HHAT: variants seen among roughly 807,000 people sequenced by gnomAD.
HHAT encodes protein-cysteine N-palmitoyltransferase HHAT.
In HHAT, 47 loss-of-function variants were observed where a neutral mutation model predicts 70.8. The ratio of observed to expected loss-of-function variants is 0.66; its 90% CI spans 0.53 to 0.85. The LOEUF (loss-of-function observed/expected upper bound fraction) is 0.85, where lower values mean the gene tolerates loss of function less well. Ranked by LOEUF, HHAT falls within the 40% of genes least tolerant of loss-of-function variation. The probability of loss-of-function intolerance (pLI) is 0.00; values close to 1 mark genes in which losing one functional copy is unlikely to be tolerated. For synonymous variants in HHAT, 228 were observed against 247.6 expected, an observed-to-expected ratio of 0.92 and a Z score of 0.74; for missense variants, 609 against 604.8, an observed-to-expected ratio of 1.01 and a Z score of -0.07.
intron 11 of HHAT, among the ~76,000 whole-genome samples, chr1:210,648,289 A>T (rs1356230416): frequency 6.6e-6 from 1 of 152,200 alleles, no homozygotes; most frequent in African/African-American, 2.4e-5. Context: ...CCAATTTTGC[A>T]TGGAGAATCT....
At chr1:210,451,105 A>G (rs1425493802) in intron 7 of HHAT, among the ~76,000 whole-genome samples, 1 of 151,790 alleles carries the variant, frequency 6.6e-6, no homozygotes, top group African/African-American at 2.4e-5. Flanking sequence ...AAAAAAAAAA[A>G]AAAGTTGTTT....
chr1:210,364,281 C>A (rs3765877), intron 3 of HHAT, among the ~76,000 whole-genome samples: 1 of 152,048 alleles, frequency 6.6e-6, no homozygotes, highest in African/African-American at 2.4e-5. Context: ...AGTATTGTGC[C>A]CACTTCAGAG....
intron 9 of HHAT, among the ~76,000 whole-genome samples, chr1:210,554,382 A>T (rs960647561): frequency 1.3e-5 from 2 of 152,084 alleles, no homozygotes; most frequent in Non-Finnish European, 2.9e-5. Context: ...CTTTGGTGGG[A>T]TGCGGTACTC....
chr1:210,467,858 A>G (rs2094135853), intron 8 of HHAT, among the ~76,000 whole-genome samples: 1 of 152,166 alleles, frequency 6.6e-6, no homozygotes, highest in Non-Finnish European at 1.5e-5. Context: ...CTTTCAGCCT[A>G]CTTAGCATTG....
intron 11 of HHAT, among the ~76,000 whole-genome samples, chr1:210,648,567 T>C (rs1294911695): frequency 6.6e-6 from 1 of 152,222 alleles, no homozygotes; most frequent in Non-Finnish European, 1.5e-5. Context: ...TTAAATTTTT[T>C]CCTCCGTATC....
intron 11 of HHAT, among the ~76,000 whole-genome samples, chr1:210,671,578 T>C (rs1417000622): frequency 6.6e-6 from 1 of 152,164 alleles, no homozygotes; most frequent in Admixed American, 6.5e-5. Flanking sequence ...TTAAATCCAA[T>C]GATTGGTGCC....
chr1:210,562,799 TC>T (rs1447902222), intron 9 of HHAT, among the ~76,000 whole-genome samples: 1 of 84,832 alleles, frequency 1.2e-5, no homozygotes, highest in Non-Finnish European at 2.3e-5. Context: ...ATGCTATCCC[TC>T]CCCCCTCCCC....
chr1:210,586,941 G>A (rs1008536092), intron 9 of HHAT, among the ~76,000 whole-genome samples: 1 of 152,158 alleles, frequency 6.6e-6, no homozygotes, highest in Non-Finnish European at 1.5e-5. Context: ...ATTTTGTCTG[G>A]TACTTTGGCT....
At chr1:210,656,554 A>T (rs1344079819) in intron 11 of HHAT, among the ~76,000 whole-genome samples, 1 of 151,922 alleles carries the variant, frequency 6.6e-6, no homozygotes, top group African/African-American at 2.4e-5. Context: ...CCTGCAGGGG[A>T]AGTGGGTCAC....
At chr1:210,605,687 C>T (rs1665250579) in intron 10 of HHAT, among the ~76,000 whole-genome samples, 1 of 152,170 alleles carries the variant, frequency 6.6e-6, no homozygotes. Context: ...ATGGCTCACA[C>T]ATCAAGTATG....
chr1:210,461,031 A>G (rs2093968690), intron 7 of HHAT, among the ~76,000 whole-genome samples: 1 of 152,234 alleles, frequency 6.6e-6, no homozygotes, highest in Non-Finnish European at 1.5e-5. Flanking sequence ...AATTGAGAAA[A>G]TCTTATACAT....
At chr1:210,395,698 G>T (rs918038483) in intron 4 of HHAT, among the ~76,000 whole-genome samples, 1 of 152,104 alleles carries the variant, frequency 6.6e-6, no homozygotes, top group African/African-American at 2.4e-5. Context: ...GTTTATAAGG[G>T]GTTAAGTAGG....
At chr1:210,383,883 CTG>C (rs1215533391) in intron 3 of HHAT, among the ~76,000 whole-genome samples, 1 of 152,188 alleles carries the variant, frequency 6.6e-6, no homozygotes, top group African/African-American at 2.4e-5. Context: ...AAGGACAGGT[CTG>C]TCAGTTTCAC....
At chr1:210,335,748 CCTCAT>C (rs2147919269) in intron 1 of HHAT, among the ~76,000 whole-genome samples, 1 of 152,110 alleles carries the variant, frequency 6.6e-6, no homozygotes, top group Admixed American at 6.5e-5. Flanking sequence ...AGATCATGTA[CCTCAT>C]CTCATATACA....
chr1:210,588,787 A>G (rs922474198), intron 10 of HHAT: 1 of 152,424 alleles, frequency 6.6e-6, no homozygotes, highest in African/African-American at 2.4e-5. Context: ...CCAATGGTGC[A>G]TAAGAATGAC....
At chr1:210,452,192 C>T (rs1446459345) in intron 7 of HHAT, among the ~76,000 whole-genome samples, 1 of 152,216 alleles carries the variant, frequency 6.6e-6, no homozygotes, top group Admixed American at 6.5e-5. Flanking sequence ...CATTCTCCCC[C>T]TTCTCCCTCC....
intron 11 of HHAT, among the ~76,000 whole-genome samples, chr1:210,657,494 G>A (rs955553995): frequency 6.6e-6 from 1 of 152,126 alleles, no homozygotes; most frequent in Non-Finnish European, 1.5e-5. Flanking sequence ...GCTCATCATC[G>A]CTTCTGAGAG....
chr1:210,480,780 C>G (rs1455104272), intron 8 of HHAT, among the ~76,000 whole-genome samples: 1 of 152,168 alleles, frequency 6.6e-6, no homozygotes, highest in African/African-American at 2.4e-5. Flanking sequence ...CTGATAGCTC[C>G]CCTCCAGGAG....
chr1:210,533,645 G>A (rs4845044), intron 9 of HHAT, among the ~76,000 whole-genome samples: 40,307 of 151,958 alleles, frequency 0.27, 5,691 homozygotes, highest in South Asian at 0.36. Context: ...ATTTGTATAT[G>A]GTGCACCCAC....
Sources: allele counts gnomAD v4.1 joint callset (sites outside exome capture counted in the v4.1 genomes callset), GRCh38; gene constraint gnomAD v4.1.1; transcripts MANE v1.5; gene names NCBI Gene and HGNC (gene_info 2026-07-23, HGNC 2026-07-21).